The following SHOC1 variants were observed in gnomAD, a reference collection of about 807,000 sequenced individuals.
The protein encoded by SHOC1 is shortage in chiasmata 1, also known as protein shortage in chiasmata 1 ortholog.
SHOC1 carries 136 observed loss-of-function variants against 179.2 expected under a neutral mutation model. That is an observed-to-expected ratio of 0.76 (90% CI 0.66 to 0.87). The LOEUF is 0.87. Among genes scored for constraint, SHOC1 ranks in the 40% least tolerant of loss-of-function variants. The pLI, the probability that SHOC1 is intolerant of heterozygous loss-of-function variation, is 0.00. For synonymous variants in SHOC1, 489 were observed against 586.6 expected (o/e 0.83, Z 2.41); for missense variants, 1,538 against 1,700.8 (o/e 0.90, Z 1.68).
intron 8 of SHOC1, among the ~76,000 whole-genome samples, chr9:111,752,813 T>C (rs1378178036): frequency 6.6e-6 from 1 of 152,152 alleles, no homozygotes; most frequent in Non-Finnish European, 1.5e-5. Context: ...AAAAATTCAC[T>C]GAATGAGCTT....
rs2131310600 is a variant in SHOC1 at position 111,692,173 on chromosome 9, A to G, written c.3804T>C (p.Thr1268=). 6.2e-7 allele frequency: 1 copy of G among 1,613,810 alleles called. No individual in the cohort carries two copies. Among genetic ancestry groups the G allele is most frequent in the East Asian group, 2.2e-5 (1 of 44,852 alleles). ...TTGATTCTATATTAATTAGAAAAGG[A>G]GTATTCTGCCCTATATTAGATTTAC... is the stretch of plus-strand genomic sequence containing the variant. The part of the protein sequence containing the change: ...SSCKSNIGQN[T]PFLINIESRR... Residue 1268 remains threonine (T), a synonymous_variant, in exon 27 of 28, where the codon ACT becomes ACC. Coordinates refer to ENST00000682961, the MANE Select transcript of SHOC1 (RefSeq NM_001378211.1).
At chr9:111,730,182 C>T (rs548526739) in intron 12 of SHOC1, among the ~76,000 whole-genome samples, 1 of 152,282 alleles carries the variant, frequency 6.6e-6, no homozygotes, top group East Asian at 1.9e-4. Context: ...ACTTGCACCA[C>T]TAAAGTCTTG....
chr9:111,713,227 T>C, intron 17 of SHOC1, 55 bp from the exon 18 acceptor site: 1 of 916,328 alleles, frequency 1.1e-6, no homozygotes, highest in South Asian at 1.7e-5. Context: ...TTTTCACAGT[T>C]TTGATACAGT....
At chr9:111,777,940 T>G (rs996967389) in intron 4 of SHOC1, among the ~76,000 whole-genome samples, 1 of 152,218 alleles carries the variant, frequency 6.6e-6, no homozygotes, top group African/African-American at 2.4e-5. Flanking sequence ...CATGTCCATA[T>G]TATTCATTAA....
intron 5 of SHOC1, chr9:111,759,389 T>G: frequency 6.8e-7 from 1 of 1,468,030 alleles, no homozygotes; most frequent in Non-Finnish European, 9.0e-7. Flanking sequence ...AGTGAAAGTT[T>G]TAAGCAAAGA....
At chr9:111,759,529 T>C (rs1034861101) in intron 5 of SHOC1, 21 of 1,184,328 alleles carry the variant, frequency 1.8e-5, no homozygotes, top group Non-Finnish European at 2.1e-5. Context: ...CTTGGCTAGC[T>C]GTCTAACAGC....
At chr9:111,780,575 TG>T (rs1407615501) in intron 4 of SHOC1, among the ~76,000 whole-genome samples, 1 of 152,200 alleles carries the variant, frequency 6.6e-6, no homozygotes, top group Non-Finnish European at 1.5e-5. Flanking sequence ...ATTTGATGAA[TG>T]CTTAAATAAT....
At chr9:111,700,129 T>A (rs1174513801) in intron 23 of SHOC1, 82 bp from the exon 24 acceptor site, 2 of 828,554 alleles carry the variant, frequency 2.4e-6, no homozygotes, top group African/African-American at 1.8e-5. Context: ...TTTCCACATT[T>A]CATAATATTT....
At chr9:111,718,469 TATG>T (rs1832896504) in intron 15 of SHOC1, among the ~76,000 whole-genome samples, 181 bp from the exon 16 acceptor site, 3 of 152,200 alleles carry the variant, frequency 2.0e-5, no homozygotes, top group African/African-American at 7.2e-5. Flanking sequence ...ACAAGTTTAT[TATG>T]ATCCAAATTT....
At chr9:111,760,725 T>C (rs1360829679) in intron 5 of SHOC1, among the ~76,000 whole-genome samples, 2 of 151,740 alleles carry the variant, frequency 1.3e-5, no homozygotes, top group Non-Finnish European at 2.9e-5. Context: ...ATTCAGAAAG[T>C]ATATGCAGGA....
At chr9:111,723,131 T>G (rs1201326067) in intron 14 of SHOC1, among the ~76,000 whole-genome samples, 2 of 152,198 alleles carry the variant, frequency 1.3e-5, no homozygotes, top group Non-Finnish European at 2.9e-5. Context: ...ACATGGCAAA[T>G]ATAAAGACCC....
intron 15 of SHOC1, among the ~76,000 whole-genome samples, chr9:111,721,388 G>A (rs1833043598): frequency 6.6e-6 from 1 of 152,188 alleles, no homozygotes; most frequent in African/African-American, 2.4e-5. Context: ...TACCCAGGCT[G>A]GAATGCAGTG....
chr9:111,772,050 A>G (rs1428680668), intron 5 of SHOC1, among the ~76,000 whole-genome samples: 1 of 151,648 alleles, frequency 6.6e-6, no homozygotes, highest in Non-Finnish European at 1.5e-5. Context: ...TTGGTTTTTG[A>G]GGTAATTTTC....
intron 18 of SHOC1, among the ~76,000 whole-genome samples, chr9:111,712,271 G>A (rs566437391): frequency 6.6e-6 from 1 of 152,264 alleles, no homozygotes; most frequent in African/African-American, 2.4e-5. Context: ...GACTAGAAGT[G>A]TAAAGAATAC....
chr9:111,764,218 C>A (rs940960265), intron 5 of SHOC1, among the ~76,000 whole-genome samples: 1 of 152,182 alleles, frequency 6.6e-6, no homozygotes, highest in Non-Finnish European at 1.5e-5. Flanking sequence ...GAACGATTGT[C>A]CCTGTATTGC....
At position 111,775,296 on chromosome 9, in the gene SHOC1, C is replaced by G. The variant is rs1475047320; in HGVS notation, c.442+495G>C. ...AGGCATAGTAAGCCACCGTGCCCGGCCTACTTTTAATTATTTTTGAGAGTA... is the reference window on the plus strand; with the variant it reads ...AGGCATAGTAAGCCACCGTGCCCGGGCTACTTTTAATTATTTTTGAGAGTA... On this transcript the variant is annotated intron_variant, in intron 5 of 27. Coordinates refer to ENST00000682961, the MANE Select transcript of SHOC1 (RefSeq NM_001378211.1). 5.3e-5 allele frequency among the ~76,000 whole-genome samples: 8 copies of G among 152,026 alleles called. No homozygotes were observed. The East Asian group carries it at 5.8e-4, about 11-fold the overall frequency.
intron 1 of SHOC1, 82 bp from the exon 2 acceptor site, chr9:111,791,536 A>C (rs1169431013): frequency 2.0e-6 from 1 of 509,264 alleles, no homozygotes; most frequent in African/African-American, 2.0e-5. Flanking sequence ...ACTTTGGTTT[A>C]CTCATTTTTA....
At chr9:111,724,846 T>C (rs1034532120) in intron 13 of SHOC1, among the ~76,000 whole-genome samples, 2 of 152,204 alleles carry the variant, frequency 1.3e-5, no homozygotes, top group African/African-American at 4.8e-5. Context: ...TACTTTATTA[T>C]ACTGTGAGCT....
At chr9:111,762,796 A>G (rs924223636) in intron 5 of SHOC1, among the ~76,000 whole-genome samples, 1 of 152,190 alleles carries the variant, frequency 6.6e-6, no homozygotes, top group African/African-American at 2.4e-5. Flanking sequence ...TTTCTTTACC[A>G]TCAGAAATAA....
Sources: allele counts gnomAD v4.1 joint callset (sites outside exome capture counted in the v4.1 genomes callset), GRCh38; gene constraint gnomAD v4.1.1; transcripts MANE v1.5; gene names NCBI Gene and HGNC (gene_info 2026-07-23, HGNC 2026-07-21).